Variants in PDE6B observed in about 807,000 individuals in gnomAD.
PDE6B encodes the protein phosphodiesterase 6B, also known as rod cGMP-specific 3',5'-cyclic phosphodiesterase subunit beta.
In PDE6B, 106 loss-of-function variants were observed where a neutral mutation model predicts 109.0. That is an observed-to-expected ratio of 0.97 (90% CI 0.83 to 1.14). The LOEUF (loss-of-function observed/expected upper bound fraction) is 1.14. Ranked by LOEUF, PDE6B falls within the 50% of genes most tolerant of loss-of-function variation. The probability of loss-of-function intolerance (pLI) is 0.00; values close to 1 mark genes in which losing one functional copy is unlikely to be tolerated. For synonymous variants in PDE6B, 490 were observed against 471.3 expected (o/e 1.04, Z -0.51); for missense variants, 1,193 against 1,155.6 (o/e 1.03, Z -0.47).
Position 655,990 on chromosome 4 carries a change from T to G in PDE6B, c.1043T>G (p.Val348Gly). The part of the protein sequence containing the change: ...WALASGLPSY[V>G]AESGFICNIM... ...CTGGCCAGCGGCCTTCCAAGCTACG[T>G]GGCAGAAAGCGGCTTTGTGAGTCCC... The change falls in exon 7 of 22, where the codon GTG (valine) becomes GGG (glycine). Residue 348 changes from valine to glycine, a missense_variant. Val to Gly is a moderately radical substitution (Grantham distance 109, BLOSUM62 -3). Coordinates refer to ENST00000496514, the MANE Select transcript of PDE6B (RefSeq NM_000283.4). The G allele has an allele frequency of 6.2e-7, 1 of 1,607,926 alleles. No homozygotes were observed. Among genetic ancestry groups the G allele is most frequent in the Non-Finnish European group, 8.5e-7 (1 of 1,174,654 alleles).
At chr4:647,845 C>T (rs1048630102) in intron 3 of PDE6B, among the ~76,000 whole-genome samples, 2 of 151,836 alleles carry the variant, frequency 1.3e-5, no homozygotes, top group Non-Finnish European at 2.9e-5. Context: ...GGCTGAGGCG[C>T]GCAGATCACC....
intron 1 of PDE6B, among the ~76,000 whole-genome samples, chr4:630,705 G>C (rs546323705): frequency 1.3e-5 from 2 of 152,346 alleles, no homozygotes; most frequent in African/African-American, 4.8e-5. Context: ...GAGGAGCATA[G>C]CTTCTGGCAG....
At chr4:637,312 C>G (rs896623482) in intron 3 of PDE6B, among the ~76,000 whole-genome samples, 21 of 152,082 alleles carry the variant, frequency 1.4e-4, no homozygotes, top group African/African-American at 4.6e-4. Flanking sequence ...ACCTCTGCCC[C>G]CCCGGTTCAA....
In PDE6B at chr4:626,244, G is replaced by C. The variant is rs1734097449; in HGVS notation, c.468+150G>C. 1.6e-6 allele frequency: 1 copy of C among 616,580 alleles called. No homozygotes were observed. The highest frequency in any genetic ancestry group is 1.8e-5 in the African/African-American group (1 of 54,308). 38.2% of individuals were successfully genotyped at this position (616,580 alleles called of 1,614,324 possible). ...CTGTGCTGAGGAGCAAGTACCTAGA[G>C]CCCCCTCCCGGCACTGTGCCCTGGC... On this transcript the variant is annotated intron_variant, in intron 1 of 21. Transcript: ENST00000496514. This position sits in a 1 kb window ranked among gnomAD's most constrained non-coding sequence, Gnocchi z 4.6.
intron 2 of PDE6B, among the ~76,000 whole-genome samples, chr4:635,565 C>T (rs937126645): frequency 3.4e-5 from 5 of 147,302 alleles, no homozygotes; most frequent in Admixed American, 2.0e-4. Context: ...TGCCACGCGT[C>T]TGCCTCCCTG....
In PDE6B at chr4:657,466, G is replaced by A. The variant is rs761428338; in HGVS notation, c.1373G>A (p.Cys458Tyr). 3.1e-6 allele frequency: 5 copies of A among 1,613,256 alleles called. No individual in the cohort carries two copies. In the African/African-American group the frequency reaches 6.7e-5, roughly 22 times the overall value. Reference sequence around the variant, plus strand: ...GACATGGTCCTTTACCACGTGAAGTGCGACAGGGACGAGATCCAGCTCATC... The same window carrying A: ...GACATGGTCCTTTACCACGTGAAGTACGACAGGGACGAGATCCAGCTCATC... ...AQDMVLYHVKCDRDEIQLILP... is the reference protein window; with the variant it reads ...AQDMVLYHVKYDRDEIQLILP... The change falls in exon 10 of 22, where the codon TGC (cysteine) becomes TAC (tyrosine). Residue 458 changes from cysteine to tyrosine, a missense_variant. Transcript: ENST00000496514.
In PDE6B at chr4:665,949, A is replaced by C. The variant is rs894841623; in HGVS notation, c.2269-582A>C. On this transcript the variant is annotated intron_variant, in intron 19 of 21. Transcript: ENST00000496514. This position sits in a 1 kb window ranked among gnomAD's most constrained non-coding sequence, Gnocchi z 4.0. ...GGCTTAGGCCAGGTGCAGCCTCGGCAGGAAAGGGGGCATTGGTTGGTCAGC... is the reference window on the plus strand; with the variant it reads ...GGCTTAGGCCAGGTGCAGCCTCGGCCGGAAAGGGGGCATTGGTTGGTCAGC... Among the ~76,000 whole-genome samples, 1 of 152,188 alleles carries C rather than the reference A, an allele frequency of 6.6e-6. No homozygotes were observed. Among genetic ancestry groups the C allele is most frequent in the African/African-American group, 2.4e-5 (1 of 41,448 alleles).
At chr4:664,968 C>A in intron 18 of PDE6B, 24 bp downstream of exon 18, 1 of 1,581,802 alleles carries the variant, frequency 6.3e-7, no homozygotes, top group Non-Finnish European at 8.7e-7. Flanking sequence ...GCCCTCCAGA[C>A]CCAGAGTCAG....
intron 1 of PDE6B, among the ~76,000 whole-genome samples, chr4:629,561 G>A (rs1441451789): frequency 1.8e-4 from 28 of 152,366 alleles, no homozygotes; most frequent in Non-Finnish European, 2.9e-5. Flanking sequence ...CCAAAGGCCC[G>A]TCCCGGGACC....
chr4:661,842 G>C, intron 12 of PDE6B: 1 of 473,488 alleles, frequency 2.1e-6, no homozygotes, highest in South Asian at 2.1e-5. Context: ...CCTCCTCCCA[G>C]CTTGAGGCCA....
chr4:634,085 G>A (rs576108745), intron 1 of PDE6B, among the ~76,000 whole-genome samples: 67 of 152,108 alleles, frequency 4.4e-4, no homozygotes, highest in African/African-American at 1.4e-3. Context: ...CAGACCCCTG[G>A]GAGTGTGTGC....
chr4:663,703 G>T lies in PDE6B; in HGVS notation c.1921-67G>T, dbSNP rs1737412746. On this transcript the variant is annotated intron_variant, in intron 15 of 21. Coordinates refer to ENST00000496514, the MANE Select transcript of PDE6B (RefSeq NM_000283.4). This position sits in a 1 kb window ranked among gnomAD's most constrained non-coding sequence, Gnocchi z 4.0. ...GGCACAGGCAGCCGAGGCGGAAGGG[G>T]CGGGGTCCCCGGGCACCCTGAGAGG... 2 of 1,184,566 alleles carry T rather than the reference G, an allele frequency of 1.7e-6. No homozygotes were observed. 73.4% of individuals were successfully genotyped at this position (1,184,566 alleles called of 1,614,324 possible).
At chr4:643,715 AT>A (rs1415927291) in intron 3 of PDE6B, among the ~76,000 whole-genome samples, 3 of 151,708 alleles carry the variant, frequency 2.0e-5, no homozygotes, top group Admixed American at 6.6e-5. Flanking sequence ...TTGTCATAAT[AT>A]TTATTATTTA....
At chr4:644,139 G>C (rs183962251) in intron 3 of PDE6B, among the ~76,000 whole-genome samples, 5 of 151,528 alleles carry the variant, frequency 3.3e-5, no homozygotes, top group Admixed American at 3.3e-4. Flanking sequence ...GGATGGTCTC[G>C]ATCTCTCGAC....
In PDE6B at chr4:665,056, G is replaced by A. The variant is rs1737630243; in HGVS notation, c.2193+112G>A. 5.4e-6 allele frequency: 5 copies of A among 925,788 alleles called. No homozygotes were observed. The highest frequency in any genetic ancestry group is 8.8e-6 in the Non-Finnish European group (5 of 567,360). The allele number at this position is 925,788 out of a possible 1,614,324, so 57.3% of individuals were successfully genotyped here. On this transcript the variant is annotated intron_variant, in intron 18 of 21. Coordinates refer to ENST00000496514, the MANE Select transcript of PDE6B (RefSeq NM_000283.4). The surrounding 1 kb of genome is among the most constrained non-coding windows in gnomAD (Gnocchi z 4.0). ...GACCATTGTTTGCAAGGAGCTCTGA[G>A]GGCCACCTCGGGGCCAGGCCAGGGC...
chr4:659,557 A>ATGTGTGCACATGTGGGTGTG (rs370365135), intron 11 of PDE6B, among the ~76,000 whole-genome samples: 3 of 150,688 alleles, frequency 2.0e-5, no homozygotes, highest in Non-Finnish European at 2.9e-5. Flanking sequence ...AGGTGTGTAC[A>ATGTGTGCACATGTGGGTGTG]TGTGTGCACA....
intron 2 of PDE6B, among the ~76,000 whole-genome samples, chr4:635,132 T>C (rs1341409509): frequency 1.3e-4 from 13 of 96,478 alleles, no homozygotes; most frequent in African/African-American, 4.1e-4. Flanking sequence ...CTGTGCTGCG[T>C]GTCTGCCTCC....
intron 10 of PDE6B, among the ~76,000 whole-genome samples, chr4:658,140 C>A (rs186745591): frequency 4.3e-4 from 39 of 91,466 alleles, no homozygotes; most frequent in Admixed American, 3.9e-3. Flanking sequence ...CACAGCTGTG[C>A]GGTGGGGACA....
At chr4:656,206 G>A (rs369121532) in intron 7 of PDE6B, 39 bp from the exon 8 acceptor site, 40 of 1,428,508 alleles carry the variant, frequency 2.8e-5, no homozygotes, top group South Asian at 6.9e-5. Context: ...CAGACCTTCC[G>A]CTGTTTTGGA....
Sources: allele counts gnomAD v4.1 joint callset (sites outside exome capture counted in the v4.1 genomes callset), GRCh38; gene constraint gnomAD v4.1.1; non-coding constraint Gnocchi (gnomAD v3.1); transcripts MANE v1.5; gene names NCBI Gene and HGNC (gene_info 2026-07-23, HGNC 2026-07-21).